Variants in ACAP3 observed in about 807,000 individuals in gnomAD.
ACAP3 encodes arf-GAP with coiled-coil, ANK repeat and PH domain-containing protein 3.
In ACAP3, 56 loss-of-function variants were observed where a neutral mutation model predicts 104.1. The ratio of observed to expected loss-of-function variants is 0.54; its 90% CI spans 0.43 to 0.67. ACAP3 has a LOEUF of 0.67. ACAP3 is among the 30% of genes least tolerant of loss of function. The pLI is 0.00. For synonymous variants in ACAP3, 628 were observed against 496.2 expected, an observed-to-expected ratio of 1.27 and a Z score of -3.53; for missense variants, 1,208 against 1,174.9, an observed-to-expected ratio of 1.03 and a Z score of -0.41.
chr1:1,294,004 C>CCGGATAGGGCATGG, intron 22 of ACAP3, 71 bp from the exon 23 acceptor site: 1 of 1,467,322 alleles, frequency 6.8e-7, no homozygotes, highest in Non-Finnish European at 9.0e-7. Context: ...GGGGGCGTGG[C>CCGGATAGGGCATGG]CGGATAGGGC....
intron 1 of ACAP3, chr1:1,304,456 G>C (rs991304359): frequency 1.2e-5 from 6 of 500,626 alleles, no homozygotes; most frequent in African/African-American, 1.2e-4. Flanking sequence ...GGCTGAGCCA[G>C]CCTCACCCGC....
chr1:1,302,620 G>A (rs1023001764), intron 4 of ACAP3, among the ~76,000 whole-genome samples: 10 of 152,012 alleles, frequency 6.6e-5, no homozygotes, highest in African/African-American at 1.9e-4. Context: ...CAGGGCCCCC[G>A]GGGGCCACCC....
chr1:1,305,643 A>G (rs1536167), intron 1 of ACAP3: 12,391 of 152,238 alleles, frequency 0.081, 1,507 homozygotes, highest in East Asian at 0.56. Context: ...TCCCTTCCTC[A>G]GTCCTGGGGA....
chr1:1,301,148 G>A (rs544094141), intron 5 of ACAP3, among the ~76,000 whole-genome samples: 1 of 151,922 alleles, frequency 6.6e-6, no homozygotes, highest in Non-Finnish European at 1.5e-5. Context: ...ATGGCTCACT[G>A]CAGCCTCTAC....
Position 1,293,906 on chromosome 1 carries a change from G to A in ACAP3, c.2277C>T (p.Gly759=), listed in dbSNP as rs144066496. The A allele has an allele frequency of 4.5e-4, 711 of 1,578,312 alleles. 7 individuals carry two copies. In the South Asian group the frequency reaches 7.1e-3, roughly 16 times the overall value. Reference sequence around the variant, plus strand: ...CTTGGTCCAGGGCGTGCTGGTCCGCGCCCCGCTTCAGGAACAGGCAAACCT... The same window carrying A: ...CTTGGTCCAGGGCGTGCTGGTCCGCACCCCGCTTCAGGAACAGGCAAACCT... The part of the protein sequence containing the change: ...TGQVCLFLKR[G]ADQHALDQEQ... Residue 759 remains glycine, a synonymous_variant, in exon 23 of 24, where the codon GGC becomes GGT. Coordinates refer to ENST00000354700, the MANE Select transcript of ACAP3 (RefSeq NM_030649.3).
intron 12 of ACAP3, 77 bp downstream of exon 12, chr1:1,298,293 C>A: frequency 6.3e-7 from 1 of 1,598,500 alleles, no homozygotes. Context: ...CTGTGCTAAC[C>A]CCAACTGACC....
Position 1,301,980 on chromosome 1 carries a change from C to CCA in ACAP3, c.338+6_338+7dup. On this transcript the variant is annotated splice_region_variant and intron_variant, in intron 5 of 23. Transcript: ENST00000354700. ...AGTGTTCTTCCCCCAGCCCTGGGGG[C>CCA]CACTCACTCTTTGACAAAGCTCTGG... 1 of 1,563,688 alleles carries CCA rather than the reference C, an allele frequency of 6.4e-7. No individual in the cohort carries two copies. Among genetic ancestry groups the CCA allele is most frequent in the Non-Finnish European group, 8.7e-7 (1 of 1,153,220 alleles).
rs745323169 is a variant in ACAP3, at chr1:1,295,822, C to A, written c.1619G>T (p.Arg540Leu). Residue 540 changes from arginine to leucine, a missense_variant, in exon 18 of 24, where the codon CGG (arginine) becomes CTG (leucine). Coordinates refer to ENST00000354700, the MANE Select transcript of ACAP3 (RefSeq NM_030649.3). ...GGGAGCGCGGGGAGAGCTGTGGGGC[C>A]GCAGGCACTTCTGCACCCTCCAGCG... is the stretch of plus-strand genomic sequence containing the variant. Reference protein sequence around the residue: ...PRRWRVQKCLRPHSSPRAPTA... With the variant: ...PRRWRVQKCLLPHSSPRAPTA... 10 of 1,610,742 alleles carry A rather than the reference C, an allele frequency of 6.2e-6. No individual in the cohort carries two copies. Among genetic ancestry groups the A allele is most frequent in the Non-Finnish European group, 7.6e-6 (9 of 1,179,924 alleles).
chr1:1,305,784 T>C (rs1402028557), intron 1 of ACAP3: 1 of 152,134 alleles, frequency 6.6e-6, no homozygotes, highest in Non-Finnish European at 1.5e-5. Flanking sequence ...AGGGGCACAC[T>C]GAACAGAGGC....
Position 1,294,082 on chromosome 1 carries a change from C to A in ACAP3, c.2249+8G>T, listed in dbSNP as rs1402743085. Reference sequence around the variant, plus strand: ...GGCACAGGGCGGGGCGTGGGTTGCGCGTCTCACCCGGTGCGGCCCAGCAGC... The same window carrying A: ...GGCACAGGGCGGGGCGTGGGTTGCGAGTCTCACCCGGTGCGGCCCAGCAGC... On this transcript the variant is annotated splice_region_variant and intron_variant, in intron 22 of 23. Coordinates refer to ENST00000354700, the MANE Select transcript of ACAP3 (RefSeq NM_030649.3). 2 of 1,559,032 alleles carry A rather than the reference C, an allele frequency of 1.3e-6. No individual in the cohort carries two copies. Among genetic ancestry groups the A allele is most frequent in the Non-Finnish European group, 1.7e-6 (2 of 1,151,294 alleles).
At chr1:1,296,713 G>A (rs894270214) in intron 14 of ACAP3, 80 bp from the exon 15 acceptor site, 12 of 1,438,968 alleles carry the variant, frequency 8.3e-6, no homozygotes, top group South Asian at 1.3e-5. Flanking sequence ...TCCCCAGCCA[G>A]AAGAGCCAAT....
At chr1:1,305,631 T>G (rs1053421606) in intron 1 of ACAP3, 1 of 152,016 alleles carries the variant, frequency 6.6e-6, no homozygotes, top group Non-Finnish European at 1.5e-5. Context: ...GCCCCTCAGC[T>G]CTCCCTTCCT....
intron 1 of ACAP3, chr1:1,304,511 C>T (rs1641597628): frequency 2.8e-6 from 1 of 352,966 alleles, no homozygotes; most frequent in East Asian, 6.4e-5. Flanking sequence ...CATCTGGAGC[C>T]CCTCAACCCT....
At position 1,302,800 on chromosome 1, in the gene ACAP3, C is replaced by G. The variant is rs868050278; in HGVS notation, c.279+122G>C. ...CTGACTTGAAAATGTGGGATTCCCC[C>G]CCCCCCCGACTAGAGGAGCAGAAAC... On this transcript the variant is annotated intron_variant, in intron 4 of 23. Transcript: ENST00000354700. The G allele has an allele frequency of 3.2e-4, 98 of 304,728 alleles. 1 individual carries two copies. The highest frequency in any genetic ancestry group is 1.8e-3 in the South Asian group (83 of 44,962). 18.9% of individuals were successfully genotyped at this position (304,728 alleles called of 1,614,324 possible).
intron 21 of ACAP3, 71 bp from the exon 22 acceptor site, chr1:1,294,270 G>A (rs1353379889): frequency 2.6e-6 from 4 of 1,517,572 alleles, no homozygotes; most frequent in Non-Finnish European, 3.6e-6. Context: ...CCCTGACCCC[G>A]GCCTTGGGCG....
intron 1 of ACAP3, among the ~76,000 whole-genome samples, chr1:1,306,410 C>T (rs1400802407): frequency 2.0e-5 from 3 of 152,198 alleles, no homozygotes; most frequent in Admixed American, 1.3e-4. Flanking sequence ...CCCCACAGCC[C>T]GGGTCCTCAA....
intron 1 of ACAP3, chr1:1,304,435 T>C (rs1182933018): frequency 3.7e-6 from 2 of 535,268 alleles, no homozygotes; most frequent in South Asian, 4.1e-5. Context: ...TCAGGGACAG[T>C]GCCCACCAAG....
In ACAP3 at chr1:1,297,732, C is replaced by T. The variant is rs6674373; in HGVS notation, c.1128+90G>A. On this transcript the variant is annotated intron_variant, in intron 14 of 23. Coordinates refer to ENST00000354700, the MANE Select transcript of ACAP3 (RefSeq NM_030649.3). Reference sequence around the variant, plus strand: ...GGGGCAGGGGCCATCCCCGGTGGCACGTGTGTGTGTGCACAGGCGCGGGGC... The same window carrying T: ...GGGGCAGGGGCCATCCCCGGTGGCATGTGTGTGTGTGCACAGGCGCGGGGC... The T allele has an allele frequency of 8.8e-5, 100 of 1,140,204 alleles. 10 individuals are homozygous for T. In the African/African-American group the frequency reaches 2.5e-3, roughly 28 times the overall value. The allele number at this position is 1,140,204 out of a possible 1,614,324, so 70.6% of individuals were successfully genotyped here. A position where few individuals can be genotyped will look rare whatever the true frequency, so the allele number is the denominator to read the frequency against.
At chr1:1,307,461 A>AG in intron 1 of ACAP3, 5 of 1,290,374 alleles carry the variant, frequency 3.9e-6, no homozygotes, top group Non-Finnish European at 5.1e-6. Flanking sequence ...GCTGGACTGC[A>AG]GGGCCCGGGA....
Sources: gnomAD v4.1 joint callset for allele counts (sites outside exome capture counted in the v4.1 genomes callset) on GRCh38, gnomAD v4.1.1 for gene constraint, MANE v1.5 for transcripts, NCBI Gene and HGNC (gene_info 2026-07-23, HGNC 2026-07-21) for gene names.